Variants in SORCS2 observed in about 807,000 individuals in gnomAD.
SORCS2 encodes VPS10 domain-containing receptor SorCS2.
SORCS2 carries 100 observed loss-of-function variants against 141.6 expected under a neutral mutation model. The observed-to-expected ratio is 0.71, with a 90% CI of 0.60 to 0.83. SORCS2 has a LOEUF of 0.83. SORCS2 is among the 40% of genes least tolerant of loss of function. The probability of loss-of-function intolerance (pLI) is 0.00; values close to 1 mark genes in which losing one functional copy is unlikely to be tolerated. For synonymous variants in SORCS2, 789 were observed against 676.9 expected, an observed-to-expected ratio of 1.17 and a Z score of -2.57; for missense variants, 1,646 against 1,560.2, an observed-to-expected ratio of 1.05 and a Z score of -0.93.
intron 3 of SORCS2, among the ~76,000 whole-genome samples, chr4:7,619,235 T>G (rs1718979508): frequency 1.3e-5 from 2 of 152,186 alleles, no homozygotes; most frequent in Admixed American, 6.5e-5. Context: ...CTTAAGCCAG[T>G]GGCAGCGAAT....
Position 7,728,567 on chromosome 4 carries a change from T to C in SORCS2, c.2982+105T>C, listed in dbSNP as rs1055498807. On this transcript the variant is annotated intron_variant, in intron 22 of 26. Transcript: ENST00000507866. ...CAGGGAAAGGAGAGGCGGGTGGCAC[T>C]GCCCCCGCACACGATGCTCTGGTCT... 155 of 738,436 alleles carry C rather than the reference T, an allele frequency of 2.1e-4. No individual in the cohort carries two copies. In the African/African-American group the frequency reaches 2.4e-3, roughly 11 times the overall value. The allele number at this position is 738,436 out of a possible 1,614,324, so 45.7% of individuals were successfully genotyped here.
At chr4:7,680,806 T>C (rs1723482464) in intron 9 of SORCS2, among the ~76,000 whole-genome samples, 1 of 152,074 alleles carries the variant, frequency 6.6e-6, no homozygotes, top group Non-Finnish European at 1.5e-5. Context: ...CCACATCCAA[T>C]GAAGGCAGCC....
At chr4:7,437,979 A>G (rs1727418801) in intron 2 of SORCS2, among the ~76,000 whole-genome samples, 1 of 152,178 alleles carries the variant, frequency 6.6e-6, no homozygotes, top group Admixed American at 6.5e-5. Flanking sequence ...TCTTTACCCC[A>G]GTTACTTTGG....
At chr4:7,321,541 A>G (rs1468497444) in intron 1 of SORCS2, among the ~76,000 whole-genome samples, 2 of 152,224 alleles carry the variant, frequency 1.3e-5, no homozygotes, top group Non-Finnish European at 2.9e-5. Flanking sequence ...CTGGGAAGAC[A>G]CCGGTGGATG....
At chr4:7,712,607 G>GC (rs1725897040) in intron 14 of SORCS2, 126 bp from the exon 15 acceptor site, 1 of 1,382,938 alleles carries the variant, frequency 7.2e-7, no homozygotes, top group Admixed American at 1.8e-5. Flanking sequence ...TCCAGCAAGG[G>GC]CAGGAGAAGG....
rs938215878 is a variant in SORCS2 at position 7,285,580 on chromosome 4, G to A, written c.480+92454G>A. Among the ~76,000 whole-genome samples the A allele has an allele frequency of 5.3e-5, 8 of 152,314 alleles. No homozygotes were observed. In the South Asian group the frequency reaches 6.2e-4, roughly 12 times the overall value. On this transcript the variant is annotated intron_variant, in intron 1 of 26. Transcript: ENST00000507866. ...ACATGGCCTCTGCCAGCCAAGGCGC[G>A]AGCCCCTCCTTCCCATGCTTTCTGC...
Position 7,664,227 on chromosome 4 carries a change from T to A in SORCS2, c.953-126T>A, listed in dbSNP as rs1722356662. 5.6e-6 allele frequency: 4 copies of A among 715,488 alleles called. No individual in the cohort carries two copies. 44.3% of individuals were successfully genotyped at this position (715,488 alleles called of 1,614,324 possible). A position where few individuals can be genotyped will look rare whatever the true frequency, so the allele number is the denominator to read the frequency against. ...CCGCAGGTGTCATCACGGTGGCCTT[T>A]AGAATTCAAGCCCATGAAGCCACAC... On this transcript the variant is annotated intron_variant, in intron 6 of 26. Transcript: ENST00000507866. The surrounding 1 kb of genome is among the most constrained non-coding windows in gnomAD (Gnocchi z 4.7).
chr4:7,738,828 A>AG (rs1712415925), intron 26 of SORCS2, among the ~76,000 whole-genome samples: 1 of 152,194 alleles, frequency 6.6e-6, no homozygotes, highest in Non-Finnish European at 1.5e-5. Flanking sequence ...GAGAGGGGTC[A>AG]GGGCAGCTGA....
intron 1 of SORCS2, among the ~76,000 whole-genome samples, chr4:7,302,978 G>A (rs1717544412): frequency 6.6e-6 from 1 of 152,178 alleles, no homozygotes; most frequent in East Asian, 1.9e-4. Flanking sequence ...GCCAAGCGGC[G>A]ATTTCACCTC....
chr4:7,623,523 C>T (rs909092480), intron 3 of SORCS2, among the ~76,000 whole-genome samples: 1 of 152,112 alleles, frequency 6.6e-6, no homozygotes, highest in Non-Finnish European at 1.5e-5. Flanking sequence ...TCCCCCAATG[C>T]CCAAGGTAGG....
At chr4:7,668,562 G>T (rs1173203478) in intron 8 of SORCS2, among the ~76,000 whole-genome samples, 1 of 152,120 alleles carries the variant, frequency 6.6e-6, no homozygotes, top group East Asian at 1.9e-4. Flanking sequence ...CTTCTGCACT[G>T]GGCACCCTCA....
At chr4:7,582,200 A>G (rs1375393190) in intron 3 of SORCS2, among the ~76,000 whole-genome samples, 1 of 152,192 alleles carries the variant, frequency 6.6e-6, no homozygotes, top group African/African-American at 2.4e-5. Context: ...AATTTTACAG[A>G]TGCTGAAACT....
chr4:7,339,278 T>C (rs1470532113), intron 1 of SORCS2, among the ~76,000 whole-genome samples: 3 of 152,080 alleles, frequency 2.0e-5, no homozygotes, highest in Non-Finnish European at 4.4e-5. Context: ...GAGGCACCAG[T>C]ATGAGTGACA....
In SORCS2 at chr4:7,635,114, C is replaced by T. The variant is rs1013805650; in HGVS notation, c.649-3214C>T. 2.6e-5 allele frequency among the ~76,000 whole-genome samples: 4 copies of T among 152,198 alleles called. No homozygotes were observed. The East Asian group carries it at 5.8e-4, about 22-fold the overall frequency. ...AAGGTGCTGATGCTGGCATCCTCCT[C>T]GTGGTGAGTGTCCCAGGCTAATGTA... is the stretch of plus-strand genomic sequence containing the variant. On this transcript the variant is annotated intron_variant, in intron 3 of 26. Transcript: ENST00000507866.
chr4:7,701,237 G>GA (rs1273840653), intron 12 of SORCS2, among the ~76,000 whole-genome samples: 7 of 146,678 alleles, frequency 4.8e-5, no homozygotes, highest in Non-Finnish European at 9.0e-5. Context: ...GGGAGAGAGA[G>GA]AAAAAAGGAG....
Position 7,363,087 on chromosome 4 carries a change from A to G in SORCS2, c.481-33201A>G, listed in dbSNP as rs538039354. On this transcript the variant is annotated intron_variant, in intron 1 of 26. Coordinates refer to ENST00000507866, the MANE Select transcript of SORCS2 (RefSeq NM_020777.3). The stretch of plus-strand genomic sequence containing the variant: ...ACTACCGTCATACATCATCATCATC[A>G]TCACCATCACCACTACCATCACCAT... Among the ~76,000 whole-genome samples the G allele has an allele frequency of 8.4e-4, 125 of 149,292 alleles. No individual in the cohort carries two copies. In the East Asian group the frequency reaches 0.018, roughly 21 times the overall value.
At chr4:7,274,967 C>T (rs766211308) in intron 1 of SORCS2, among the ~76,000 whole-genome samples, 13 of 152,146 alleles carry the variant, frequency 8.5e-5, no homozygotes, top group East Asian at 3.8e-4. Context: ...TGGGGTTGTC[C>T]GTGTGTTTAA....
intron 1 of SORCS2, among the ~76,000 whole-genome samples, chr4:7,384,817 G>A (rs369068207): frequency 7.2e-5 from 11 of 152,360 alleles, no homozygotes; most frequent in South Asian, 2.1e-4. Context: ...GCACGGGCAC[G>A]TAGAAGGGCC....
chr4:7,541,783 A>C (rs1274675061), intron 3 of SORCS2, among the ~76,000 whole-genome samples: 1 of 152,230 alleles, frequency 6.6e-6, no homozygotes, highest in Non-Finnish European at 1.5e-5. Context: ...TTCAGCCTTA[A>C]ACATGCAGCA....
Sources: allele counts gnomAD v4.1 joint callset (sites outside exome capture counted in the v4.1 genomes callset), GRCh38; gene constraint gnomAD v4.1.1; non-coding constraint Gnocchi (gnomAD v3.1); transcripts MANE v1.5; gene names NCBI Gene and HGNC (gene_info 2026-07-23, HGNC 2026-07-21).